CLSTN2: variants seen among roughly 807,000 people sequenced by gnomAD.
CLSTN2 encodes the protein calsyntenin 2, also known as calsyntenin-2.
In CLSTN2, 48 loss-of-function variants were observed where a neutral mutation model predicts 101.2. The ratio of observed to expected loss-of-function variants is 0.47; its 90% CI spans 0.38 to 0.60. The LOEUF is 0.60. Ranked by LOEUF, CLSTN2 falls within the 20% of genes least tolerant of loss-of-function variation. The pLI is 0.00. For missense variants in CLSTN2, 1,160 were observed against 1,238.2 expected (o/e 0.94, Z 0.95); for synonymous variants, 481 against 463.6 (o/e 1.04, Z -0.48).
At chr3:140,522,307 G>T (rs1265050600) in intron 8 of CLSTN2, among the ~76,000 whole-genome samples, 1 of 152,176 alleles carries the variant, frequency 6.6e-6, no homozygotes, top group East Asian at 1.9e-4. Flanking sequence ...GCCACAGACC[G>T]CAGCTGCTTT....
At chr3:140,270,645 C>G (rs1382360523) in intron 2 of CLSTN2, among the ~76,000 whole-genome samples, 1 of 152,054 alleles carries the variant, frequency 6.6e-6, no homozygotes, top group Non-Finnish European at 1.5e-5. Context: ...GCTGTGGATG[C>G]TAGGGTGGTA....
chr3:140,188,971 C>A (rs73226963), intron 2 of CLSTN2, among the ~76,000 whole-genome samples: 1 of 152,186 alleles, frequency 6.6e-6, no homozygotes, highest in East Asian at 1.9e-4. Context: ...CTTACCTGTT[C>A]TCATTCAGTA....
rs558914231 is a variant in CLSTN2 at position 140,570,685 on chromosome 3, A to T, written c.*4432A>T. 1.3e-5 allele frequency: 2 copies of T among 152,084 alleles called. No homozygotes were observed. The highest frequency in any genetic ancestry group is 4.1e-4 in the South Asian group (2 of 4,830). 9.4% of individuals were successfully genotyped at this position (152,084 alleles called of 1,614,324 possible). ...CAGTTTGGATTTATGTAATTTTCATATCTTTTTTTACCCTTTTGATTTACA... is the reference window on the plus strand; with the variant it reads ...CAGTTTGGATTTATGTAATTTTCATTTCTTTTTTTACCCTTTTGATTTACA... On this transcript the variant is annotated 3_prime_UTR_variant, in exon 17 of 17. Coordinates refer to ENST00000458420, the MANE Select transcript of CLSTN2 (RefSeq NM_022131.3).
chr3:140,387,115 C>T (rs571544939), intron 2 of CLSTN2, among the ~76,000 whole-genome samples: 2 of 152,192 alleles, frequency 1.3e-5, no homozygotes, highest in South Asian at 2.1e-4. Context: ...AGATTCTTGC[C>T]TCATGGAGCT....
intron 7 of CLSTN2, chr3:140,461,393 C>G (rs1171098343): frequency 6.6e-6 from 1 of 152,276 alleles, no homozygotes; most frequent in Non-Finnish European, 1.5e-5. Flanking sequence ...AATGTGCAGA[C>G]AAATACAAAG....
chr3:140,443,106 C>T (rs148862273), intron 5 of CLSTN2, among the ~76,000 whole-genome samples: 22 of 152,332 alleles, frequency 1.4e-4, no homozygotes, highest in Admixed American at 2.0e-4. Context: ...TCTCACTCCC[C>T]GGTATCCCAA....
In CLSTN2 at chr3:140,576,664, G is replaced by A. The variant is rs538348994; in HGVS notation, c.*10411G>A. Reference sequence around the variant, plus strand: ...CAGAGAGAGGAGGGGGAGCAGCCTCGTCTTGCAGAATCACCTTCAATCACT... The same window carrying A: ...CAGAGAGAGGAGGGGGAGCAGCCTCATCTTGCAGAATCACCTTCAATCACT... On this transcript the variant is annotated 3_prime_UTR_variant, in exon 17 of 17. Transcript: ENST00000458420. 4.6e-5 allele frequency: 7 copies of A among 152,292 alleles called. No homozygotes were observed. Among genetic ancestry groups the A allele is most frequent in the Admixed American group, 2.6e-4 (4 of 15,296 alleles). The allele number at this position is 152,292 out of a possible 1,614,324, so 9.4% of individuals were successfully genotyped here.
intron 2 of CLSTN2, among the ~76,000 whole-genome samples, chr3:140,386,806 A>G (rs2088056822): frequency 6.6e-6 from 1 of 152,196 alleles, no homozygotes; most frequent in Non-Finnish European, 1.5e-5. Flanking sequence ...CAGTGTCAGC[A>G]GGGCAGCTAT....
chr3:140,161,432 C>A (rs530381755), intron 1 of CLSTN2, among the ~76,000 whole-genome samples: 1 of 152,304 alleles, frequency 6.6e-6, no homozygotes, highest in East Asian at 1.9e-4. Flanking sequence ...TGACAGCATG[C>A]ACTCAAGTTC....
chr3:139,992,892 G>A (rs1327613751), intron 1 of CLSTN2, among the ~76,000 whole-genome samples: 2 of 152,158 alleles, frequency 1.3e-5, no homozygotes, highest in Non-Finnish European at 2.9e-5. Context: ...CTTCCCTGGA[G>A]ACCAGACTAC....
intron 2 of CLSTN2, among the ~76,000 whole-genome samples, chr3:140,392,442 G>C (rs1474650504): frequency 2.0e-5 from 3 of 151,854 alleles, no homozygotes; most frequent in African/African-American, 7.3e-5. Flanking sequence ...TCTATATTTA[G>C]AGTTTATGTA....
intron 2 of CLSTN2, among the ~76,000 whole-genome samples, chr3:140,257,272 T>C (rs1263009941): frequency 6.6e-6 from 1 of 152,188 alleles, no homozygotes; most frequent in African/African-American, 2.4e-5. Flanking sequence ...GGGGATTAAA[T>C]TTATCTAATA....
intron 1 of CLSTN2, among the ~76,000 whole-genome samples, chr3:140,056,992 G>C (rs777765263): frequency 2.0e-5 from 3 of 152,172 alleles, no homozygotes; most frequent in African/African-American, 7.2e-5. Context: ...CCTCATGCCA[G>C]AGCCTCCTCC....
At chr3:140,515,228 TC>T (rs562984252) in intron 8 of CLSTN2, among the ~76,000 whole-genome samples, 2 of 138,278 alleles carry the variant, frequency 1.4e-5, no homozygotes, top group Admixed American at 1.4e-4. Flanking sequence ...ACCTTCTGTT[TC>T]ATTTCTAATG....
intron 2 of CLSTN2, among the ~76,000 whole-genome samples, chr3:140,377,359 T>C (rs2087928271): frequency 6.6e-6 from 1 of 152,242 alleles, no homozygotes; most frequent in African/African-American, 2.4e-5. Flanking sequence ...AGCATAGTCA[T>C]TCTACTTATA....
intron 8 of CLSTN2, among the ~76,000 whole-genome samples, chr3:140,519,425 G>A (rs748787215): frequency 2.6e-5 from 4 of 152,028 alleles, no homozygotes; most frequent in African/African-American, 4.8e-5. Context: ...AAAGTCTCTC[G>A]CTATTATTGT....
At position 140,320,446 on chromosome 3, in the gene CLSTN2, A is replaced by C. The variant is rs113423864; in HGVS notation, c.233-83183A>C. On this transcript the variant is annotated intron_variant, in intron 2 of 16. Coordinates refer to ENST00000458420, the MANE Select transcript of CLSTN2 (RefSeq NM_022131.3). ...AAGGAAAATGATAAACTGATGACACAGTCCTGACTTAGTGACTGTCAGATG... is the reference window on the plus strand; with the variant it reads ...AAGGAAAATGATAAACTGATGACACCGTCCTGACTTAGTGACTGTCAGATG... Among the ~76,000 whole-genome samples, 480 of 152,274 alleles carry C rather than the reference A, an allele frequency of 3.2e-3. 2 individuals carry two copies. The highest frequency in any genetic ancestry group is 0.011 in the African/African-American group (457 of 41,548).
intron 1 of CLSTN2, among the ~76,000 whole-genome samples, chr3:140,052,906 A>T (rs770994329): frequency 6.6e-6 from 1 of 152,192 alleles, no homozygotes; most frequent in Non-Finnish European, 1.5e-5. Flanking sequence ...ATTTAATAGC[A>T]AACCTTGGGT....
At chr3:140,361,189 A>G (rs1209332004) in intron 2 of CLSTN2, among the ~76,000 whole-genome samples, 1 of 152,236 alleles carries the variant, frequency 6.6e-6, no homozygotes, top group African/African-American at 2.4e-5. Flanking sequence ...GAAACCAAAT[A>G]CTGGGTTAAC....
Sources: allele counts gnomAD v4.1 joint callset (sites outside exome capture counted in the v4.1 genomes callset), GRCh38; gene constraint gnomAD v4.1.1; transcripts MANE v1.5; gene names NCBI Gene and HGNC (gene_info 2026-07-23, HGNC 2026-07-21).